Variants in CLINT1 observed in about 807,000 individuals in gnomAD.
CLINT1 encodes clathrin interacting protein localized in the trans-Golgi region.
A neutral mutation model predicts 70.4 loss-of-function variants in CLINT1; 15 were observed. The observed-to-expected ratio is 0.21, with a 90% CI of 0.14 to 0.33. The LOEUF (loss-of-function observed/expected upper bound fraction) is 0.33, where lower values mean the gene tolerates loss of function less well. Among genes scored for constraint, CLINT1 ranks in the 10% least tolerant of loss-of-function variants. The pLI is 1.00. For missense variants in CLINT1, 615 were observed against 778.1 expected (o/e 0.79, Z 2.49); for synonymous variants, 227 against 254.7 (o/e 0.89, Z 1.04).
chr5:157,812,403 T>C (rs1762590938), intron 5 of CLINT1, among the ~76,000 whole-genome samples: 1 of 152,198 alleles, frequency 6.6e-6, no homozygotes, highest in African/African-American at 2.4e-5. Flanking sequence ...ACAGTTCCTA[T>C]TTTGTGTATC....
chr5:157,837,793 G>A (rs1419022900), intron 1 of CLINT1, among the ~76,000 whole-genome samples: 1 of 151,830 alleles, frequency 6.6e-6, no homozygotes, highest in African/African-American at 2.4e-5. Flanking sequence ...ACAGGCACGT[G>A]CCACCATGCC....
chr5:157,852,036 A>G (rs747801331), intron 1 of CLINT1, among the ~76,000 whole-genome samples: 73 of 152,184 alleles, frequency 4.8e-4, no homozygotes, highest in African/African-American at 1.6e-3. Context: ...TTGGTATCAC[A>G]TATTTTAGAG....
At chr5:157,815,663 A>G (rs1762697651) in intron 3 of CLINT1, among the ~76,000 whole-genome samples, 1 of 152,340 alleles carries the variant, frequency 6.6e-6, no homozygotes, top group Admixed American at 6.5e-5. Context: ...TGTTCTGCGT[A>G]ATGTGCCATT....
At position 157,797,121 on chromosome 5, in the gene CLINT1, C is replaced by T. The variant is rs531185488; in HGVS notation, c.1013-2149G>A. Among the ~76,000 whole-genome samples, 12 of 152,276 alleles carry T rather than the reference C, an allele frequency of 7.9e-5. No homozygotes were observed. In the East Asian group the frequency reaches 2.1e-3, roughly 27 times the overall value. ...TGTTTAAACCATTTAAACAAGCACA[C>T]ATATTAATAAAACCTATCAAGTAAA... On this transcript the variant is annotated intron_variant, in intron 8 of 11. Transcript: ENST00000411809.
At chr5:157,799,671 T>A (rs1762158363) in intron 8 of CLINT1, among the ~76,000 whole-genome samples, 1 of 152,084 alleles carries the variant, frequency 6.6e-6, no homozygotes, top group South Asian at 2.1e-4. Context: ...GGCATTCTAT[T>A]TCTAATTGGC....
chr5:157,859,022 C>T lies in CLINT1; in HGVS notation c.-52G>A, dbSNP rs917635152. 9 of 1,604,202 alleles carry T rather than the reference C, an allele frequency of 5.6e-6. No individual in the cohort carries two copies. Among genetic ancestry groups the T allele is most frequent in the Non-Finnish European group, 7.7e-6 (9 of 1,174,980 alleles). On this transcript the variant is annotated 5_prime_UTR_variant, in exon 1 of 12. Transcript: ENST00000411809. ...CCTCCCTCTCCTGCTCCCCACGGAC[C>T]CCGGAACACTTCCGTACCGGGGCAG...
At chr5:157,797,186 T>G (rs896311828) in intron 8 of CLINT1, among the ~76,000 whole-genome samples, 3 of 152,260 alleles carry the variant, frequency 2.0e-5, no homozygotes, top group Non-Finnish European at 4.4e-5. Context: ...TTCGTAAGTT[T>G]GTTTTCTGTA....
chr5:157,815,432 T>G (rs746512091), intron 3 of CLINT1, among the ~76,000 whole-genome samples: 3 of 152,194 alleles, frequency 2.0e-5, no homozygotes, highest in Non-Finnish European at 4.4e-5. Context: ...CAGTAGTTAC[T>G]CCTACAAAAC....
At chr5:157,797,987 T>C (rs777958857) in intron 8 of CLINT1, among the ~76,000 whole-genome samples, 1 of 152,218 alleles carries the variant, frequency 6.6e-6, no homozygotes, top group Non-Finnish European at 1.5e-5. Context: ...ATTTTACAAA[T>C]AGAAGTTGTC....
intron 1 of CLINT1, among the ~76,000 whole-genome samples, chr5:157,825,800 C>T (rs566607430): frequency 1.2e-4 from 18 of 152,200 alleles, no homozygotes; most frequent in South Asian, 6.2e-4. Flanking sequence ...ATTCTACTTC[C>T]AAATTCTTTG....
chr5:157,803,757 T>C lies in CLINT1; in HGVS notation c.943-38A>G, dbSNP rs188926451. On this transcript the variant is annotated intron_variant, in intron 7 of 11. Transcript: ENST00000411809. ...ACATAACTCAGGAGCTTCGAAAAGT[T>C]TGTTTTTCTAAAAATCAGCTCTATC... The C allele has an allele frequency of 4.8e-4, 704 of 1,471,454 alleles. 2 individuals carry two copies. The African/African-American group carries it at 8.9e-3, about 19-fold the overall frequency. The allele number at this position is 1,471,454 out of a possible 1,614,324, so 91.1% of individuals were successfully genotyped here. A position where few individuals can be genotyped will look rare whatever the true frequency, so the allele number is the denominator to read the frequency against.
At chr5:157,806,981 AG>A (rs1762406107) in intron 6 of CLINT1, among the ~76,000 whole-genome samples, 1 of 151,964 alleles carries the variant, frequency 6.6e-6, no homozygotes, top group South Asian at 2.1e-4. Flanking sequence ...AGAGAGAGAG[AG>A]AGAGAGAGCG....
rs143675951 is a variant in CLINT1 at position 157,790,543 on chromosome 5, C to A, written c.1381-1030G>T. On this transcript the variant is annotated intron_variant, in intron 10 of 11. Coordinates refer to ENST00000411809, the MANE Select transcript of CLINT1 (RefSeq NM_014666.4). ...CAATTAAGACTGCAAATAAAGTAGA[C>A]TGACTTTATGCTTAACTCATACATT... 7.5e-6 allele frequency: 3 copies of A among 398,436 alleles called. No individual in the cohort carries two copies. In the East Asian group the frequency reaches 2.3e-4, roughly 30 times the overall value. 24.7% of individuals were successfully genotyped at this position (398,436 alleles called of 1,614,324 possible).
At chr5:157,812,940 T>C in intron 5 of CLINT1, 123 bp downstream of exon 5, 1 of 854,346 alleles carries the variant, frequency 1.2e-6, no homozygotes, top group East Asian at 2.6e-5. Context: ...GCGTGTATTT[T>C]AGTATTCTAT....
intron 6 of CLINT1, among the ~76,000 whole-genome samples, chr5:157,807,358 T>C (rs996293424): frequency 1.3e-5 from 2 of 152,108 alleles, no homozygotes; most frequent in Admixed American, 6.5e-5. Flanking sequence ...CAAGTAAAAC[T>C]GAAATTTCTT....
chr5:157,786,030 A>C lies in CLINT1; in HGVS notation c.*1616T>G, dbSNP rs1344261293. On this transcript the variant is annotated 3_prime_UTR_variant, in exon 12 of 12. Coordinates refer to ENST00000411809, the MANE Select transcript of CLINT1 (RefSeq NM_014666.4). ...TTATTCAGCAAATGAATCACTTTTC[A>C]TTACCACTTAGCTGAAGTACATGAA... 1 of 152,216 alleles carries C rather than the reference A, an allele frequency of 6.6e-6. No individual in the cohort carries two copies. The highest frequency in any genetic ancestry group is 1.5e-5 in the Non-Finnish European group (1 of 68,034). The allele number at this position is 152,216 out of a possible 1,614,324, so 9.4% of individuals were successfully genotyped here.
intron 5 of CLINT1, 88 bp downstream of exon 5, chr5:157,812,975 A>G: frequency 2.3e-6 from 3 of 1,294,292 alleles, no homozygotes; most frequent in Admixed American, 2.3e-5. Context: ...GAAAATTAGC[A>G]TTTTGGTCTT....
intron 1 of CLINT1, 21 bp from the exon 2 acceptor site, chr5:157,817,568 C>G (rs766861703): frequency 1.4e-5 from 20 of 1,430,022 alleles, no homozygotes; most frequent in Admixed American, 1.9e-5. Flanking sequence ...AAAAAATGCA[C>G]GCACACATGC....
chr5:157,849,249 G>C (rs1753490688), intron 1 of CLINT1, among the ~76,000 whole-genome samples: 1 of 152,188 alleles, frequency 6.6e-6, no homozygotes, highest in African/African-American at 2.4e-5. Flanking sequence ...CCAAACTTCA[G>C]CAATCCCACA....
Sources: gnomAD v4.1 joint callset for allele counts (sites outside exome capture counted in the v4.1 genomes callset) on GRCh38, gnomAD v4.1.1 for gene constraint, MANE v1.5 for transcripts, NCBI Gene and HGNC (gene_info 2026-07-23, HGNC 2026-07-21) for gene names.